Variants in PKIB observed in about 807,000 individuals in gnomAD.
PKIB encodes the protein PKI-beta.
PKIB carries 2 observed loss-of-function variants against 4.5 expected under a neutral mutation model. The ratio of observed to expected loss-of-function variants is 0.44; its 90% CI spans 0.18 to 1.39. PKIB has a LOEUF of 1.39. Ranked by LOEUF, PKIB falls within the 40% of genes most tolerant of loss-of-function variation. The probability of loss-of-function intolerance (pLI) is 0.27; values close to 1 mark genes in which losing one functional copy is unlikely to be tolerated. For missense variants in PKIB, 94 were observed against 92.6 expected, an observed-to-expected ratio of 1.02 and a Z score of -0.06; for synonymous variants, 38 against 36.0, an observed-to-expected ratio of 1.06 and a Z score of -0.20.
chr6:122,598,492 G>C (rs1213690126), intron 3 of PKIB, among the ~76,000 whole-genome samples: 1 of 152,130 alleles, frequency 6.6e-6, no homozygotes, highest in Non-Finnish European at 1.5e-5. Flanking sequence ...TTTTGTAGTT[G>C]AGTGACTGCG....
At chr6:122,491,575 C>G (rs1474626995) in intron 2 of PKIB, among the ~76,000 whole-genome samples, 1 of 152,138 alleles carries the variant, frequency 6.6e-6, no homozygotes, top group African/African-American at 2.4e-5. Flanking sequence ...GACGTGTGGC[C>G]TTGGGCAAAC....
At chr6:122,508,133 T>C (rs916758940) in intron 2 of PKIB, among the ~76,000 whole-genome samples, 1 of 152,242 alleles carries the variant, frequency 6.6e-6, no homozygotes. Context: ...AGTAGTCTGG[T>C]CCATTGTCTG....
chr6:122,494,374 A>C, intron 2 of PKIB, among the ~76,000 whole-genome samples: 1 of 152,188 alleles, frequency 6.6e-6, no homozygotes, highest in East Asian at 1.9e-4. Flanking sequence ...ACAATATGGA[A>C]CTTCTTCCTG....
intron 2 of PKIB, among the ~76,000 whole-genome samples, chr6:122,649,705 A>T (rs1280857314): frequency 6.6e-6 from 1 of 152,202 alleles, no homozygotes; most frequent in Non-Finnish European, 1.5e-5. Context: ...CTTAGATTTC[A>T]TAGTAACTTG....
rs1026432035 is a variant in PKIB at position 122,543,143 on chromosome 6, A to G, written c.-247-42778A>G. Among the ~76,000 whole-genome samples the G allele has an allele frequency of 4.1e-4, 62 of 151,796 alleles. 2 individuals are homozygous for G. Among genetic ancestry groups the G allele is most frequent in the African/African-American group, 1.3e-3 (55 of 41,298 alleles). ...CCCCTTTCTTTGACTAGGAAAGGGAACTCCCTCACCCCTTGCGCGTCCCGA... is the reference window on the plus strand; with the variant it reads ...CCCCTTTCTTTGACTAGGAAAGGGAGCTCCCTCACCCCTTGCGCGTCCCGA... On this transcript the variant is annotated intron_variant, in intron 2 of 6. Coordinates refer to the PKIB transcript ENST00000392491.
chr6:122,681,818 G>A (rs190315302), intron 3 of PKIB, among the ~76,000 whole-genome samples: 8 of 152,316 alleles, frequency 5.3e-5, no homozygotes, highest in African/African-American at 1.9e-4. Flanking sequence ...GTTCCCTCAA[G>A]AATGATTTTC....
Position 122,591,174 on chromosome 6 carries a change from C to CCT in PKIB, c.-161+5167_-161+5168insCT, listed in dbSNP as rs1554222327. Among the ~76,000 whole-genome samples, 277 of 150,860 alleles carry CCT rather than the reference C, an allele frequency of 1.8e-3. 1 individual carries two copies. The highest frequency in any genetic ancestry group is 0.01 in the Middle Eastern group (3 of 292). On this transcript the variant is annotated intron_variant, in intron 3 of 6. Transcript: ENST00000392491. ...TTGTATAGCAAGGAAGGTCCCCCCC[C>CCT]ACATCTAATTCCTATCTCTCGACAC...
intron 2 of PKIB, among the ~76,000 whole-genome samples, chr6:122,649,090 A>G (rs1348908469): frequency 1.3e-5 from 2 of 152,190 alleles, no homozygotes; most frequent in Non-Finnish European, 2.9e-5. Context: ...TTTGGTGAAC[A>G]TTTACATGGG....
chr6:122,653,049 G>A (rs1776625485), intron 2 of PKIB, among the ~76,000 whole-genome samples: 1 of 152,190 alleles, frequency 6.6e-6, no homozygotes, highest in Non-Finnish European at 1.5e-5. Context: ...ATTGCTGCCT[G>A]TGCAGGGGCT....
At chr6:122,483,222 A>G (rs773871506) in intron 2 of PKIB, 2 of 152,312 alleles carry the variant, frequency 1.3e-5, no homozygotes, top group African/African-American at 4.8e-5. Context: ...ATACAGCATA[A>G]AGAACATTTG....
At chr6:122,591,613 G>A (rs1420343786) in intron 3 of PKIB, among the ~76,000 whole-genome samples, 1 of 152,250 alleles carries the variant, frequency 6.6e-6, no homozygotes, top group East Asian at 1.9e-4. Flanking sequence ...GTATGATGCT[G>A]AGCCAAATCT....
At chr6:122,720,512 G>A (rs1313221005) in intron 4 of PKIB, among the ~76,000 whole-genome samples, 3 of 152,018 alleles carry the variant, frequency 2.0e-5, no homozygotes, top group East Asian at 3.9e-4. Context: ...AGTCAGGCAG[G>A]TGCTGATGCC....
chr6:122,711,520 A>G (rs1280191951), intron 3 of PKIB, among the ~76,000 whole-genome samples: 2 of 152,154 alleles, frequency 1.3e-5, no homozygotes, highest in Non-Finnish European at 2.9e-5. Flanking sequence ...GAGAAGCCCA[A>G]CTAACTCCCT....
intron 3 of PKIB, among the ~76,000 whole-genome samples, chr6:122,703,922 G>GTATATA (rs151131565): frequency 2.8e-3 from 373 of 133,382 alleles, no homozygotes; most frequent in Non-Finnish European, 4.0e-3. Context: ...ATATATGTGT[G>GTATATA]TATATATATA....
At chr6:122,611,947 A>G (rs556072243) in intron 1 of PKIB, among the ~76,000 whole-genome samples, 1 of 152,322 alleles carries the variant, frequency 6.6e-6, no homozygotes, top group African/African-American at 2.4e-5. Context: ...GAAGGAAAGT[A>G]TAGCTTTGGA....
chr6:122,660,123 T>A (rs1305096673), intron 2 of PKIB, among the ~76,000 whole-genome samples: 2 of 152,228 alleles, frequency 1.3e-5, no homozygotes, highest in Admixed American at 1.3e-4. Context: ...AGGTGTTTTC[T>A]GAACACAGCA....
At chr6:122,571,120 A>G (rs1457240237) in intron 2 of PKIB, among the ~76,000 whole-genome samples, 2 of 152,200 alleles carry the variant, frequency 1.3e-5, no homozygotes, top group African/African-American at 4.8e-5. Context: ...GAAAATTTCA[A>G]TATTAGACAA....
intron 2 of PKIB, among the ~76,000 whole-genome samples, chr6:122,551,410 T>G (rs1323403577): frequency 6.6e-6 from 1 of 152,170 alleles, no homozygotes; most frequent in East Asian, 1.9e-4. Context: ...TTTAATCATG[T>G]TCTTTTTTTG....
intron 2 of PKIB, among the ~76,000 whole-genome samples, chr6:122,508,685 C>A (rs1776493696): frequency 6.6e-6 from 1 of 152,052 alleles, no homozygotes; most frequent in Non-Finnish European, 1.5e-5. Flanking sequence ...TTAATTAAGG[C>A]AGTTTTAATA....
Sources: allele counts gnomAD v4.1 joint callset (sites outside exome capture counted in the v4.1 genomes callset), GRCh38; gene constraint gnomAD v4.1.1; transcripts MANE v1.5; gene names NCBI Gene and HGNC (gene_info 2026-07-23, HGNC 2026-07-21).